ZNF7: variants seen among roughly 807,000 people sequenced by gnomAD.
ZNF7 encodes C2-H2 type zinc finger protein.
A neutral mutation model predicts 12.0 loss-of-function variants in ZNF7; 10 were observed. The observed-to-expected ratio is 0.83, with a 90% confidence interval of 0.51 to 1.42. The LOEUF (loss-of-function observed/expected upper bound fraction) is 1.42, where lower values mean the gene tolerates loss of function less well. ZNF7 is among the 40% of genes most tolerant of loss of function. ZNF7 has a pLI of 0.00. For synonymous variants in ZNF7, 334 were observed against 295.0 expected, an observed-to-expected ratio of 1.13 and a Z score of -1.35; for missense variants, 854 against 837.2, an observed-to-expected ratio of 1.02 and a Z score of -0.25.
In ZNF7 at chr8:144,841,423, G is replaced by T. The variant is rs1233103847; in HGVS notation, c.316G>T (p.Gly106Trp). Residue 106 changes from glycine to tryptophan, a missense_variant, in exon 5 of 5, where the codon GGG (glycine) becomes TGG (tryptophan). Transcript: ENST00000532777. Reference protein sequence around the residue: ...DMDILKSESYGTVVRISPQDF... With the variant: ...DMDILKSESYWTVVRISPQDF... The stretch of plus-strand genomic sequence containing the variant: ...GGACATCCTAAAATCAGAATCCTAT[G>T]GGACAGTGGTCAGAATCTCCCCACA... 2 of 1,614,172 alleles carry T rather than the reference G, an allele frequency of 1.2e-6. No individual in the cohort carries two copies.
chr8:144,831,508 G>A lies in ZNF7; in HGVS notation c.130+1904G>A, dbSNP rs2103472. ...TATAAAAACACTATCTTAGGGCCGGGCGCGGTGGCTCATATCTGTAATCCC... is the reference window on the plus strand; with the variant it reads ...TATAAAAACACTATCTTAGGGCCGGACGCGGTGGCTCATATCTGTAATCCC... On this transcript the variant is annotated intron_variant, in intron 3 of 4. Transcript: ENST00000532777. Among the ~76,000 whole-genome samples, 2,527 of 152,304 alleles carry A rather than the reference G, an allele frequency of 0.017. 199 individuals are homozygous for A. In the East Asian group the frequency reaches 0.23, roughly 14 times the overall value.
chr8:144,831,123 C>G (rs1221464601), intron 3 of ZNF7: 3 of 436,390 alleles, frequency 6.9e-6, no homozygotes, highest in Non-Finnish European at 1.4e-5. Context: ...GCCTGTCCTC[C>G]TCTCTCAGGC....
At chr8:144,835,364 C>T (rs1298603554) in intron 3 of ZNF7, 1 of 152,026 alleles carries the variant, frequency 6.6e-6, no homozygotes, top group Non-Finnish European at 1.5e-5. Flanking sequence ...CCACCATGCT[C>T]AGCTGTTTTT....
At chr8:144,844,709 CAAAAAAAAAAAA>C (rs71320849), downstream of ZNF7, among the ~76,000 whole-genome samples, 6 of 88,648 alleles carry the variant, frequency 6.8e-5, no homozygotes, top group Admixed American at 2.5e-4. Context: ...GACTCTGTAT[CAAAAAAAAAAAA>C]AAAAAAAAAA....
chr8:144,827,696 T>G, intron 1 of ZNF7, 87 bp downstream of exon 1: 2 of 983,466 alleles, frequency 2.0e-6, no homozygotes, highest in Non-Finnish European at 2.4e-6. Context: ...CCTTCGGCAT[T>G]GGGGTCCCCG....
downstream of ZNF7, among the ~76,000 whole-genome samples, chr8:144,844,388 G>T (rs115520454): frequency 1.7e-4 from 26 of 152,254 alleles, no homozygotes; most frequent in African/African-American, 5.5e-4. Context: ...GGGGAACGCG[G>T]TGAGGAGGAA....
chr8:144,831,010 T>G (rs1828390974), intron 3 of ZNF7: 1 of 456,374 alleles, frequency 2.2e-6, no homozygotes, highest in East Asian at 6.9e-5. Flanking sequence ...CCTGGCCATC[T>G]AGAGGTGCTG....
Position 144,829,024 on chromosome 8 carries a change from C to T in ZNF7, c.-45-19C>T. ...GCTTCTGGCACCTTGACCTCTAATC[C>T]TTTCATAATTGCCAACAGGTCTCTC... is the stretch of plus-strand genomic sequence containing the variant. On this transcript the variant is annotated intron_variant, in intron 1 of 4. Transcript: ENST00000532777. The T allele has an allele frequency of 6.2e-7, 1 of 1,612,232 alleles. No individual in the cohort carries two copies.
downstream of ZNF7, chr8:144,845,915 G>C (rs138533429): frequency 1.6e-4 from 240 of 1,490,986 alleles, 1 homozygote; most frequent in African/African-American, 2.9e-3. Flanking sequence ...CAGGTAATGT[G>C]CTTAGCCAGG....
chr8:144,837,182 G>A (rs1239974986), intron 3 of ZNF7: 3 of 405,654 alleles, frequency 7.4e-6, no homozygotes, highest in Middle Eastern at 6.6e-4. Context: ...ATCCCTTGCT[G>A]TCCAGCCACA....
At chr8:144,829,264 GAGGC>G in intron 2 of ZNF7, 174 bp downstream of exon 2, 1 of 1,530,644 alleles carries the variant, frequency 6.5e-7, no homozygotes, top group African/African-American at 1.4e-5. Context: ...GGGCCTAATT[GAGGC>G]TCTTGAGGGG....
chr8:144,829,068 C>T lies in ZNF7; in HGVS notation c.-20C>T, dbSNP rs374825068. 30 of 1,613,932 alleles carry T rather than the reference C, an allele frequency of 1.9e-5. No individual in the cohort carries two copies. The African/African-American group carries it at 3.5e-4, about 19-fold the overall frequency. On this transcript the variant is annotated 5_prime_UTR_variant, in exon 2 of 5. Transcript: ENST00000532777. ...GTCTCTCGGCCAGAACACGTGGATG[C>T]CCACCCACCACTGAGCCTCATGGTA...
chr8:144,841,323 C>A (rs1412997037), intron 4 of ZNF7, 32 bp from the exon 5 acceptor site: 12 of 1,570,322 alleles, frequency 7.6e-6, no homozygotes, highest in Non-Finnish European at 1.0e-5. Context: ...AGCACAGGGC[C>A]TAAGGAACGT....
chr8:144,835,572 C>T (rs1828899032), intron 3 of ZNF7: 4 of 152,154 alleles, frequency 2.6e-5, no homozygotes, highest in African/African-American at 9.7e-5. Flanking sequence ...CATCTTCTCA[C>T]TAAGTGGACC....
At chr8:144,846,359 G>A, downstream of ZNF7, 2 of 618,014 alleles carry the variant, frequency 3.2e-6, no homozygotes, top group Non-Finnish European at 5.5e-6. Flanking sequence ...GAATGGTTGG[G>A]GAGAAAATAA....
intron 4 of ZNF7, among the ~76,000 whole-genome samples, chr8:144,839,405 T>C (rs1829556877): frequency 6.6e-6 from 1 of 152,206 alleles, no homozygotes; most frequent in African/African-American, 2.4e-5. Flanking sequence ...CTGCTCAGTC[T>C]CCCTGAGAAG....
intron 4 of ZNF7, among the ~76,000 whole-genome samples, chr8:144,840,713 G>A (rs1829778272): frequency 1.3e-5 from 2 of 152,148 alleles, no homozygotes; most frequent in African/African-American, 2.4e-5. Flanking sequence ...AGTCAGTGTG[G>A]TCTTAGAGGT....
Position 144,842,590 on chromosome 8 carries a change from AAACCCTATGTGT to A in ZNF7, c.1484_1495del (p.Lys495_Cys499delinsSer). 1 of 1,614,250 alleles carries A rather than the reference AAACCCTATGTGT, an allele frequency of 6.2e-7. No individual in the cohort carries two copies. Among genetic ancestry groups the A allele is most frequent in the Non-Finnish European group, 8.5e-7 (1 of 1,180,048 alleles). On this transcript the variant is annotated inframe_deletion, in exon 5 of 5. Transcript: ENST00000532777. ...GCATCAGCGAATCCACACTGGAGAGAAACCCTATGTGTGTAATGACTGTGGAAAAGCCTTCAG... is the reference window on the plus strand; with the variant it reads ...GCATCAGCGAATCCACACTGGAGAGAGTAATGACTGTGGAAAAGCCTTCAG...
chr8:144,829,290 T>A, intron 2 of ZNF7, 188 bp from the exon 3 acceptor site: 2 of 1,534,378 alleles, frequency 1.3e-6, no homozygotes, highest in Middle Eastern at 4.4e-4. Context: ...GAGGGTTGTA[T>A]GACCACCATG....
Sources: gnomAD v4.1 joint callset for allele counts (sites outside exome capture counted in the v4.1 genomes callset) on GRCh38, gnomAD v4.1.1 for gene constraint, MANE v1.5 for transcripts, NCBI Gene and HGNC (gene_info 2026-07-23, HGNC 2026-07-21) for gene names.